SRGAP3: variants seen among roughly 807,000 people sequenced by gnomAD.
SRGAP3 encodes SLIT-ROBO Rho GTPase activating protein 3, also known as SLIT-ROBO Rho GTPase-activating protein 3.
Under a neutral mutation model 121.1 loss-of-function variants are expected in SRGAP3, and 39 were observed. The ratio of observed to expected loss-of-function variants is 0.32; its 90% CI spans 0.25 to 0.42. The LOEUF (loss-of-function observed/expected upper bound fraction) is 0.42, where lower values mean the gene tolerates loss of function less well. SRGAP3 is among the 10% of genes least tolerant of loss of function. The probability of loss-of-function intolerance (pLI) is 1.00; values close to 1 mark genes in which losing one functional copy is unlikely to be tolerated. For missense variants in SRGAP3, 1,213 were observed against 1,470.6 expected (o/e 0.82, Z 2.86); for synonymous variants, 601 against 570.0 (o/e 1.05, Z -0.77).
chr3:9,025,202 G>T, intron 14 of SRGAP3, 59 bp downstream of exon 14: 1 of 1,577,216 alleles, frequency 6.3e-7, no homozygotes, highest in Non-Finnish European at 8.7e-7. Flanking sequence ...TGAGACACAC[G>T]TGAATATTCA....
intron 1 of SRGAP3, among the ~76,000 whole-genome samples, chr3:9,214,983 T>C (rs1396331940): frequency 3.7e-5 from 5 of 134,216 alleles, no homozygotes; most frequent in Admixed American, 8.7e-5. Context: ...CCAGTATTCC[T>C]GGGAGGATAA....
chr3:9,283,196 C>A (rs62244925), intron 3 of SRGAP3, among the ~76,000 whole-genome samples: 1 of 152,152 alleles, frequency 6.6e-6, no homozygotes, highest in Non-Finnish European at 1.5e-5. Context: ...CCCCCCTCGG[C>A]CTCCCAAAGT....
At chr3:9,345,800 A>AT (rs1014364353) in intron 1 of SRGAP3, among the ~76,000 whole-genome samples, 2 of 151,398 alleles carry the variant, frequency 1.3e-5, no homozygotes, top group African/African-American at 4.9e-5. Flanking sequence ...AAAAAAAAAA[A>AT]AAAAGAAAAG....
At chr3:9,190,840 C>T (rs1016774862) in intron 1 of SRGAP3, among the ~76,000 whole-genome samples, 25 of 152,138 alleles carry the variant, frequency 1.6e-4, no homozygotes, top group Non-Finnish European at 2.9e-5. Flanking sequence ...TGGTATGTCA[C>T]ATCCCAGGGC....
intron 3 of SRGAP3, among the ~76,000 whole-genome samples, chr3:9,101,597 T>TC (rs1948217154): frequency 6.6e-6 from 1 of 152,130 alleles, no homozygotes; most frequent in African/African-American, 2.4e-5. Context: ...GCCCCTCGCC[T>TC]CCCCACAAAA....
chr3:9,058,138 AC>A, intron 7 of SRGAP3, 112 bp downstream of exon 7: 1 of 1,146,410 alleles, frequency 8.7e-7, no homozygotes, highest in Non-Finnish European at 1.3e-6. Context: ...CAGGAGCTTG[AC>A]CCCAGGCGTC....
intron 1 of SRGAP3, among the ~76,000 whole-genome samples, chr3:9,167,909 A>G (rs1950847039): frequency 6.6e-6 from 1 of 152,220 alleles, no homozygotes; most frequent in South Asian, 2.1e-4. Flanking sequence ...AGAAGCAGAA[A>G]ATACCTCCAG....
At chr3:9,099,974 G>A (rs1054338847) in intron 3 of SRGAP3, among the ~76,000 whole-genome samples, 24 of 152,346 alleles carry the variant, frequency 1.6e-4, no homozygotes, top group Non-Finnish European at 3.2e-4. Flanking sequence ...CTAGGCTGAC[G>A]GGGCTGGCAG....
At chr3:9,046,110 C>T (rs759939789) in intron 10 of SRGAP3, among the ~76,000 whole-genome samples, 16 of 151,506 alleles carry the variant, frequency 1.1e-4, no homozygotes, top group Non-Finnish European at 2.2e-4. Context: ...TGAGTCTTCC[C>T]CCCTCCTACC....
At chr3:9,285,894 A>G (rs749137899) in intron 3 of SRGAP3, among the ~76,000 whole-genome samples, 1 of 150,952 alleles carries the variant, frequency 6.6e-6, no homozygotes, top group Non-Finnish European at 1.5e-5. Context: ...GATCGATTAA[A>G]CTCAATCCCA....
chr3:9,037,535 G>A (rs572613994), intron 11 of SRGAP3: 1 of 156,260 alleles, frequency 6.4e-6, no homozygotes, highest in Admixed American at 6.3e-5. Context: ...AAGTGCCCGT[G>A]AGGTCCAAGC....
intron 2 of SRGAP3, among the ~76,000 whole-genome samples, chr3:9,105,981 T>A (rs998417746): frequency 2.0e-5 from 3 of 152,238 alleles, no homozygotes; most frequent in African/African-American, 7.2e-5. Context: ...CTCATGTAAT[T>A]AGTTGAATGC....
intron 1 of SRGAP3, among the ~76,000 whole-genome samples, chr3:9,140,873 C>T (rs1287047116): frequency 6.6e-6 from 1 of 152,166 alleles, no homozygotes; most frequent in Admixed American, 6.5e-5. Context: ...TCTATTGGCC[C>T]TGGGAAAGTA....
rs544093065 is a variant in SRGAP3 at position 9,116,641 on chromosome 3, C to A, written c.260+8084G>T. On this transcript the variant is annotated intron_variant, in intron 2 of 21. Transcript: ENST00000383836. ...AGTTGACCAGGAGGATAATAGCAAA[C>A]CCCTGATGCTCATCCAAGGAGGATA... 2.6e-5 allele frequency among the ~76,000 whole-genome samples: 4 copies of A among 152,252 alleles called. No homozygotes were observed. In the East Asian group the frequency reaches 7.7e-4, roughly 29 times the overall value.
chr3:9,170,581 C>T (rs1950942140), intron 1 of SRGAP3, among the ~76,000 whole-genome samples: 1 of 152,154 alleles, frequency 6.6e-6, no homozygotes, highest in Admixed American at 6.5e-5. Flanking sequence ...TTTTAGCACA[C>T]AGTCCCTGAA....
chr3:9,167,229 G>A (rs1950819527), intron 1 of SRGAP3, among the ~76,000 whole-genome samples: 1 of 152,102 alleles, frequency 6.6e-6, no homozygotes, highest in Admixed American at 6.5e-5. Flanking sequence ...CATCCTACCT[G>A]CCCTCACTAT....
At chr3:9,213,030 T>C (rs911775384) in intron 1 of SRGAP3, among the ~76,000 whole-genome samples, 1 of 152,146 alleles carries the variant, frequency 6.6e-6, no homozygotes, top group Non-Finnish European at 1.5e-5. Context: ...GGCAAATTGC[T>C]TGGTGAGAAA....
chr3:9,060,909 G>A (rs564922952), intron 5 of SRGAP3, among the ~76,000 whole-genome samples: 1 of 152,202 alleles, frequency 6.6e-6, no homozygotes, highest in Non-Finnish European at 1.5e-5. Flanking sequence ...TAGATGAGCA[G>A]CAGCCTCTGA....
intron 1 of SRGAP3, among the ~76,000 whole-genome samples, chr3:9,148,755 C>A (rs1022385372): frequency 6.6e-6 from 1 of 152,148 alleles, no homozygotes; most frequent in Admixed American, 6.5e-5. Flanking sequence ...ATGCTCCTCC[C>A]CAGTTCTGGG....
Sources: allele counts gnomAD v4.1 joint callset (sites outside exome capture counted in the v4.1 genomes callset), GRCh38; gene constraint gnomAD v4.1.1; transcripts MANE v1.5; gene names NCBI Gene and HGNC (gene_info 2026-07-23, HGNC 2026-07-21).